Variants in RUNDC3B observed in about 807,000 individuals in gnomAD.
The protein encoded by RUNDC3B is RUN domain containing 3B.
In RUNDC3B, 33 loss-of-function variants were observed where a neutral mutation model predicts 58.4. That is an observed-to-expected ratio of 0.56 (90% CI 0.43 to 0.75). The LOEUF is 0.75. Ranked by LOEUF, RUNDC3B falls within the 30% of genes least tolerant of loss-of-function variation. RUNDC3B has a pLI of 0.00. For synonymous variants in RUNDC3B, 193 were observed against 195.2 expected (o/e 0.99, Z 0.10); for missense variants, 501 against 535.7 (o/e 0.94, Z 0.64).
intron 10 of RUNDC3B, among the ~76,000 whole-genome samples, chr7:87,826,596 T>C (rs1459473674): frequency 6.6e-6 from 1 of 151,930 alleles, no homozygotes; most frequent in Non-Finnish European, 1.5e-5. Flanking sequence ...AGTTAGGAAG[T>C]GGTTGAATTA....
chr7:87,808,225 A>T (rs1836539129), intron 9 of RUNDC3B, among the ~76,000 whole-genome samples: 1 of 149,256 alleles, frequency 6.7e-6, no homozygotes, highest in Non-Finnish European at 1.5e-5. Flanking sequence ...CTTCTGTTTG[A>T]TTTTTTCCCT....
At chr7:87,807,623 T>G (rs532805357) in intron 9 of RUNDC3B, 104 bp downstream of exon 9, 2 of 815,772 alleles carry the variant, frequency 2.5e-6, no homozygotes, top group African/African-American at 3.5e-5. Flanking sequence ...CTTATTATTA[T>G]CTTAGAGCAA....
intron 10 of RUNDC3B, among the ~76,000 whole-genome samples, chr7:87,822,229 A>G (rs1475624613): frequency 6.6e-6 from 1 of 152,264 alleles, no homozygotes; most frequent in Non-Finnish European, 1.5e-5. Flanking sequence ...TGGGCGAAGG[A>G]CATGAACAGA....
intron 8 of RUNDC3B, among the ~76,000 whole-genome samples, chr7:87,783,061 G>T (rs759713189): frequency 5.1e-4 from 77 of 152,038 alleles, no homozygotes; most frequent in Non-Finnish European, 9.6e-4. Context: ...GGGTATTGAA[G>T]TCCACTACTA....
chr7:87,756,106 A>G (rs921487291), intron 6 of RUNDC3B, among the ~76,000 whole-genome samples: 2 of 152,122 alleles, frequency 1.3e-5, no homozygotes, highest in African/African-American at 4.8e-5. Flanking sequence ...TTACATACAT[A>G]TTAAACACCT....
At chr7:87,817,945 A>C (rs1837162020) in intron 10 of RUNDC3B, among the ~76,000 whole-genome samples, 1 of 152,216 alleles carries the variant, frequency 6.6e-6, no homozygotes, top group South Asian at 2.1e-4. Context: ...TAGCAGGCTT[A>C]GGCAGTGTAA....
At chr7:87,705,450 C>A (rs903980147) in intron 3 of RUNDC3B, among the ~76,000 whole-genome samples, 27 of 150,784 alleles carry the variant, frequency 1.8e-4, no homozygotes, top group African/African-American at 2.9e-4. Context: ...ACAACAACAA[C>A]AAAAAAAAAC....
intron 6 of RUNDC3B, among the ~76,000 whole-genome samples, chr7:87,756,383 G>A (rs1480747671): frequency 1.3e-5 from 2 of 151,796 alleles, no homozygotes; most frequent in Non-Finnish European, 2.9e-5. Context: ...ATATATTTGA[G>A]TTTTTATTAA....
At chr7:87,826,296 G>C (rs1837803511) in intron 10 of RUNDC3B, among the ~76,000 whole-genome samples, 1 of 151,988 alleles carries the variant, frequency 6.6e-6, no homozygotes, top group Non-Finnish European at 1.5e-5. Flanking sequence ...TTTCAAAAGG[G>C]GAGTTTCCCT....
chr7:87,816,962 A>G (rs968695013), intron 10 of RUNDC3B, among the ~76,000 whole-genome samples: 1 of 152,156 alleles, frequency 6.6e-6, no homozygotes. Context: ...AGCACTTTGG[A>G]TGGCATGAGT....
chr7:87,720,540 A>ATG (rs907929154), intron 4 of RUNDC3B, among the ~76,000 whole-genome samples: 1,096 of 100,818 alleles, frequency 0.011, 21 homozygotes, highest in African/African-American at 0.036. Context: ...AAGATAGGAT[A>ATG]TATGTGTGTG....
At chr7:87,765,348 G>A (rs1418932091) in intron 6 of RUNDC3B, among the ~76,000 whole-genome samples, 1 of 151,572 alleles carries the variant, frequency 6.6e-6, no homozygotes, top group Non-Finnish European at 1.5e-5. Flanking sequence ...TTTTGAGTAT[G>A]GTTTGTCCTC....
chr7:87,628,875 G>T lies in RUNDC3B; in HGVS notation c.52G>T (p.Gly18Ter). Residue 18 changes from glycine to a stop codon, truncating the protein, a stop_gained, in exon 1 of 11, where the codon GGA (glycine) becomes TGA (stop). Transcript: ENST00000394654. LOFTEE classifies it high-confidence loss of function. ...GAGCGGGATCCGCGGCGGTGGCGGCGGAGGCGGCAAGAAAAGCCTGAGCGC... is the reference window on the plus strand; with the variant it reads ...GAGCGGGATCCGCGGCGGTGGCGGCTGAGGCGGCAAGAAAAGCCTGAGCGC... ...GLSGIRGGGG[G>*]GGKKSLSARN... is the part of the protein sequence containing the mutation. The T allele has an allele frequency of 7.8e-7, 1 of 1,289,956 alleles. No individual in the cohort carries two copies. Among genetic ancestry groups the T allele is most frequent in the Non-Finnish European group, 9.9e-7 (1 of 1,011,582 alleles). 79.9% of individuals were successfully genotyped at this position (1,289,956 alleles called of 1,614,324 possible).
At chr7:87,779,232 AT>A (rs1055692574) in intron 8 of RUNDC3B, among the ~76,000 whole-genome samples, 2 of 152,078 alleles carry the variant, frequency 1.3e-5, no homozygotes, top group African/African-American at 4.8e-5. Flanking sequence ...CTTACTACAA[AT>A]TTTGTTTCTT....
rs546798738 is a variant in RUNDC3B at position 87,796,320 on chromosome 7, AG to A, written c.957-11047del. Among the ~76,000 whole-genome samples the A allele has an allele frequency of 2.0e-4, 30 of 152,186 alleles. No individual in the cohort carries two copies. In the East Asian group the frequency reaches 5.6e-3, roughly 28 times the overall value. Reference sequence around the variant, plus strand: ...TTATCAGAGCCTGGGAAGAGTAGTGAGGGGGGTTGGGGATGGAAGTAGGGAT... The same window carrying A: ...TTATCAGAGCCTGGGAAGAGTAGTGAGGGGGTTGGGGATGGAAGTAGGGAT... On this transcript the variant is annotated intron_variant, in intron 8 of 10. Transcript: ENST00000394654.
chr7:87,667,662 A>G (rs1247931741), intron 2 of RUNDC3B, among the ~76,000 whole-genome samples: 1 of 152,144 alleles, frequency 6.6e-6, no homozygotes, highest in South Asian at 2.1e-4. Flanking sequence ...ATGTTCCTTC[A>G]ATACCTAGTT....
intron 8 of RUNDC3B, among the ~76,000 whole-genome samples, chr7:87,782,864 T>G (rs1441886351): frequency 1.3e-5 from 2 of 152,146 alleles, no homozygotes; most frequent in African/African-American, 4.8e-5. Flanking sequence ...GAAATTTGTT[T>G]GGACTTGCTT....
At chr7:87,816,512 A>G (rs1004545874) in intron 10 of RUNDC3B, among the ~76,000 whole-genome samples, 5 of 151,952 alleles carry the variant, frequency 3.3e-5, no homozygotes, top group African/African-American at 9.7e-5. Flanking sequence ...ACCCCTGCCA[A>G]TCTAGCTTTT....
chr7:87,669,606 G>T (rs1169266600), intron 2 of RUNDC3B, among the ~76,000 whole-genome samples: 1 of 152,180 alleles, frequency 6.6e-6, no homozygotes, highest in African/African-American at 2.4e-5. Context: ...GTATTAGCTG[G>T]TATTGGTCTT....
Sources: allele counts gnomAD v4.1 joint callset (sites outside exome capture counted in the v4.1 genomes callset), GRCh38; gene constraint gnomAD v4.1.1; transcripts MANE v1.5; gene names NCBI Gene and HGNC (gene_info 2026-07-23, HGNC 2026-07-21).